Variants in KDM7A observed in about 807,000 individuals in gnomAD.
KDM7A encodes lysine-specific demethylase 7A.
A neutral mutation model predicts 114.8 loss-of-function variants in KDM7A; 28 were observed. The observed-to-expected ratio is 0.24, with a 90% CI of 0.18 to 0.33. The LOEUF (loss-of-function observed/expected upper bound fraction) is 0.33. Among genes scored for constraint, KDM7A ranks in the 10% least tolerant of loss-of-function variants. KDM7A has a pLI of 1.00. For missense variants in KDM7A, 942 were observed against 1,142.5 expected, an observed-to-expected ratio of 0.82 and a Z score of 2.53; for synonymous variants, 423 against 397.8, an observed-to-expected ratio of 1.06 and a Z score of -0.75.
chr7:140,159,284 T>C (rs553013448), intron 1 of KDM7A, among the ~76,000 whole-genome samples: 31 of 152,136 alleles, frequency 2.0e-4, no homozygotes, highest in East Asian at 1.5e-3. Context: ...GAGGTGGAGA[T>C]TGCAGTGAGC....
chr7:140,129,429 A>G (rs1818753102), intron 4 of KDM7A, 64 bp downstream of exon 4: 1 of 1,288,048 alleles, frequency 7.8e-7, no homozygotes, highest in Admixed American at 1.9e-5. Flanking sequence ...CATTAATATT[A>G]CCAGGACTAT....
At chr7:140,155,697 C>G (rs1227856778) in intron 1 of KDM7A, among the ~76,000 whole-genome samples, 1 of 152,174 alleles carries the variant, frequency 6.6e-6, no homozygotes, top group African/African-American at 2.4e-5. Flanking sequence ...AAAACACCAT[C>G]GATAAATGGC....
At chr7:140,153,551 T>C (rs565264861) in intron 1 of KDM7A, among the ~76,000 whole-genome samples, 8 of 151,408 alleles carry the variant, frequency 5.3e-5, no homozygotes, top group Admixed American at 4.6e-4. Flanking sequence ...TAATAATCAA[T>C]GGGGGAAATC....
At chr7:140,172,863 C>G (rs565432138) in intron 1 of KDM7A, among the ~76,000 whole-genome samples, 1 of 152,124 alleles carries the variant, frequency 6.6e-6, no homozygotes, top group Non-Finnish European at 1.5e-5. Flanking sequence ...TACATATACA[C>G]ATACCACATT....
chr7:140,171,931 A>G (rs924360661), intron 1 of KDM7A, among the ~76,000 whole-genome samples: 1 of 152,180 alleles, frequency 6.6e-6, no homozygotes, highest in African/African-American at 2.4e-5. Context: ...GATGACATTT[A>G]GGTTGTTACA....
intron 3 of KDM7A, among the ~76,000 whole-genome samples, chr7:140,131,459 G>A (rs756659707): frequency 2.0e-5 from 3 of 152,160 alleles, no homozygotes; most frequent in Admixed American, 1.3e-4. Flanking sequence ...TAGGTAGCAA[G>A]AAGACAGGAG....
intron 1 of KDM7A, among the ~76,000 whole-genome samples, chr7:140,175,848 C>T (rs1465102724): frequency 6.6e-6 from 1 of 152,022 alleles, no homozygotes; most frequent in African/African-American, 2.4e-5. Context: ...CGCAGGCGGT[C>T]CCGGTGTCGC....
At chr7:140,123,313 G>A (rs1316859359) in intron 7 of KDM7A, among the ~76,000 whole-genome samples, 2 of 152,164 alleles carry the variant, frequency 1.3e-5, no homozygotes, top group African/African-American at 4.8e-5. Context: ...ACCATGTAAT[G>A]CAGCAATTCT....
intron 1 of KDM7A, among the ~76,000 whole-genome samples, chr7:140,157,518 T>C (rs2116844110): frequency 6.6e-6 from 1 of 152,110 alleles, no homozygotes; most frequent in African/African-American, 2.4e-5. Context: ...GCTGGGTGTG[T>C]TGGTGCATGC....
rs1380212020 is a variant in KDM7A at position 140,176,392 on chromosome 7, G to C, written c.194+352C>G. On this transcript the variant is annotated intron_variant, in intron 1 of 19. Coordinates refer to ENST00000397560, the MANE Select transcript of KDM7A (RefSeq NM_030647.2). The surrounding 1 kb of genome is among the most constrained non-coding windows in gnomAD (Gnocchi z 4.4). ...GCGGCGGCGGCCCGGGCTGGCGAGG[G>C]GCTGCGGACCCGGCCGGCGCTCCGC... Among the ~76,000 whole-genome samples the C allele has an allele frequency of 6.9e-6, 1 of 144,354 alleles. No homozygotes were observed. The highest frequency in any genetic ancestry group is 1.5e-5 in the Non-Finnish European group (1 of 65,050). 94.7% of individuals were successfully genotyped at this position (144,354 alleles called of 152,430 possible).
At chr7:140,129,142 G>C (rs1818749928) in intron 4 of KDM7A, among the ~76,000 whole-genome samples, 1 of 152,166 alleles carries the variant, frequency 6.6e-6, no homozygotes. Flanking sequence ...TTTTGCACCT[G>C]TATTCTACAG....
intron 1 of KDM7A, among the ~76,000 whole-genome samples, chr7:140,142,458 T>A (rs1455456467): frequency 6.6e-6 from 1 of 150,814 alleles, no homozygotes; most frequent in African/African-American, 2.4e-5. Flanking sequence ...AACAAAATAC[T>A]CGGATAGGCA....
At chr7:140,175,510 C>CA (rs1794693246) in intron 1 of KDM7A, among the ~76,000 whole-genome samples, 1 of 152,202 alleles carries the variant, frequency 6.6e-6, no homozygotes, top group Non-Finnish European at 1.5e-5. Flanking sequence ...AAACCGGCTT[C>CA]AACTAAAGGT....
chr7:140,112,607 T>C (rs888618371), intron 10 of KDM7A, among the ~76,000 whole-genome samples: 3 of 150,500 alleles, frequency 2.0e-5, no homozygotes, highest in Admixed American at 1.3e-4. Context: ...TAAGACTCTG[T>C]CTAAAAAAAA....
At position 140,141,054 on chromosome 7, in the gene KDM7A, A is replaced by G. The variant is rs183140518; in HGVS notation, c.195-1864T>C. ...GTGAAATACCATGTACAACTGCATA[A>G]AAATGTCAAGTACACTGGAATAAAT... On this transcript the variant is annotated intron_variant, in intron 1 of 19. Transcript: ENST00000397560. 5.6e-4 allele frequency among the ~76,000 whole-genome samples: 86 copies of G among 152,316 alleles called. No individual in the cohort carries two copies. In the East Asian group the frequency reaches 0.015, roughly 27 times the overall value.
chr7:140,150,686 T>C (rs1014544943), intron 1 of KDM7A, among the ~76,000 whole-genome samples: 47 of 152,190 alleles, frequency 3.1e-4, no homozygotes, highest in African/African-American at 1.0e-3. Context: ...AAGAGGAGAA[T>C]TGCTTTTCAC....
In KDM7A at chr7:140,153,464, C is replaced by T. The variant is rs542855500; in HGVS notation, c.195-14274G>A. 1.7e-4 allele frequency among the ~76,000 whole-genome samples: 25 copies of T among 148,868 alleles called. No homozygotes were observed. In the East Asian group the frequency reaches 3.6e-3, roughly 21 times the overall value. On this transcript the variant is annotated intron_variant, in intron 1 of 19. Transcript: ENST00000397560. ...TCACGCCAGTGCACTCCAGCCTGGG[C>T]GACAGAGCGAGACTCCGTCTCAAAA...
rs1352258992 is a variant in KDM7A at position 140,099,051 on chromosome 7, AG to A, written c.1764-19del. 1.9e-6 allele frequency: 3 copies of A among 1,592,926 alleles called. No individual in the cohort carries two copies. The highest frequency in any genetic ancestry group is 1.4e-5 in the African/African-American group (1 of 73,864). On this transcript the variant is annotated intron_variant, in intron 13 of 19. Coordinates refer to ENST00000397560, the MANE Select transcript of KDM7A (RefSeq NM_030647.2). ...TTTCATCTCTGTATTAAGAAGGAAA[AG>A]TAATCAGAATATAGTGCAAGACTCT...
At chr7:140,117,303 C>T (rs139565484) in intron 9 of KDM7A, among the ~76,000 whole-genome samples, 1 of 152,156 alleles carries the variant, frequency 6.6e-6, no homozygotes, top group African/African-American at 2.4e-5. Context: ...AACACAAAGA[C>T]TAAATAGTTC....
Sources: gnomAD v4.1 joint callset for allele counts (sites outside exome capture counted in the v4.1 genomes callset) on GRCh38, gnomAD v4.1.1 for gene constraint, Gnocchi (gnomAD v3.1) non-coding constraint, MANE v1.5 for transcripts, NCBI Gene and HGNC (gene_info 2026-07-23, HGNC 2026-07-21) for gene names.